SGMS1: variants seen among roughly 807,000 people sequenced by gnomAD.
SGMS1 encodes phosphatidylcholine:ceramide cholinephosphotransferase 1.
In SGMS1, 13 loss-of-function variants were observed where a neutral mutation model predicts 46.2. The observed-to-expected ratio is 0.28, with a 90% confidence interval of 0.18 to 0.45. SGMS1 has a LOEUF of 0.45. SGMS1 is among the 20% of genes least tolerant of loss of function. The probability of loss-of-function intolerance (pLI) is 1.00; values close to 1 mark genes in which losing one functional copy is unlikely to be tolerated. For missense variants in SGMS1, 324 were observed against 519.9 expected (o/e 0.62, Z 3.66); for synonymous variants, 203 against 187.8 (o/e 1.08, Z -0.66).
intron 2 of SGMS1, among the ~76,000 whole-genome samples, chr10:50,575,042 T>C (rs1410151980): frequency 2.1e-5 from 3 of 144,720 alleles, no homozygotes; most frequent in South Asian, 2.2e-4. Flanking sequence ...TGAAACAACA[T>C]AGACGTGGAA....
chr10:50,459,704 G>A (rs1365058706), intron 5 of SGMS1, among the ~76,000 whole-genome samples: 2 of 152,150 alleles, frequency 1.3e-5, no homozygotes, highest in African/African-American at 4.8e-5. Context: ...ACGCCCAGCT[G>A]AATAAGAATA....
chr10:50,510,561 G>A (rs1837744360), intron 3 of SGMS1, among the ~76,000 whole-genome samples: 1 of 150,182 alleles, frequency 6.7e-6, no homozygotes, highest in African/African-American at 2.4e-5. Context: ...TTTTTGTTTT[G>A]TTTGTTTGCT....
At chr10:50,376,779 T>C (rs986336276) in intron 6 of SGMS1, among the ~76,000 whole-genome samples, 3 of 152,246 alleles carry the variant, frequency 2.0e-5, no homozygotes, top group African/African-American at 4.8e-5. Flanking sequence ...TTCTTGTGGC[T>C]GCATAGTATT....
intron 3 of SGMS1, among the ~76,000 whole-genome samples, chr10:50,467,174 C>T (rs1196773028): frequency 6.6e-6 from 1 of 151,976 alleles, no homozygotes; most frequent in African/African-American, 2.4e-5. Context: ...AAAAACTGCA[C>T]ACCAAATGCA....
intron 2 of SGMS1, among the ~76,000 whole-genome samples, chr10:50,522,185 T>C (rs1837862770): frequency 6.6e-6 from 1 of 152,240 alleles, no homozygotes; most frequent in Non-Finnish European, 1.5e-5. Context: ...ACTTATAATT[T>C]ATCCTTGTAC....
At chr10:50,610,216 C>T (rs1006292109) in intron 1 of SGMS1, among the ~76,000 whole-genome samples, 1 of 152,222 alleles carries the variant, frequency 6.6e-6, no homozygotes, top group African/African-American at 2.4e-5. Flanking sequence ...CAGTGTGTGT[C>T]TGCCTCACCC....
intron 1 of SGMS1, among the ~76,000 whole-genome samples, chr10:50,598,726 T>C (rs1838620080): frequency 6.6e-6 from 1 of 152,062 alleles, no homozygotes; most frequent in South Asian, 2.1e-4. Flanking sequence ...ACCAAATGAG[T>C]GACTCCATGA....
At chr10:50,542,499 A>G (rs1040238264) in intron 2 of SGMS1, among the ~76,000 whole-genome samples, 68 of 152,084 alleles carry the variant, frequency 4.5e-4, no homozygotes, top group African/African-American at 1.6e-3. Context: ...GAAAATATGT[A>G]TATTTGCTCT....
chr10:50,585,864 G>C (rs1838478621), intron 2 of SGMS1, among the ~76,000 whole-genome samples: 1 of 152,232 alleles, frequency 6.6e-6, no homozygotes, highest in Non-Finnish European at 1.5e-5. Context: ...ACATGAATGA[G>C]AACATTAACA....
intron 6 of SGMS1, among the ~76,000 whole-genome samples, chr10:50,344,778 A>T (rs1847888979): frequency 6.7e-6 from 1 of 149,270 alleles, no homozygotes; most frequent in Non-Finnish European, 1.5e-5. Flanking sequence ...AGGCTGAGGC[A>T]GGAGAATGGT....
intron 1 of SGMS1, among the ~76,000 whole-genome samples, chr10:50,610,453 C>T (rs1838739240): frequency 6.6e-6 from 1 of 152,136 alleles, no homozygotes; most frequent in Non-Finnish European, 1.5e-5. Context: ...CAATAAGAAC[C>T]TGTGGGCCAC....
intron 7 of SGMS1, among the ~76,000 whole-genome samples, chr10:50,338,931 G>T (rs772813602): frequency 1.1e-4 from 16 of 152,022 alleles, no homozygotes; most frequent in Non-Finnish European, 1.5e-5. Context: ...TAGAGATGGG[G>T]TTTCTCCAAG....
intron 6 of SGMS1, among the ~76,000 whole-genome samples, chr10:50,362,113 G>A (rs190152354): frequency 1.3e-5 from 2 of 152,282 alleles, no homozygotes; most frequent in Admixed American, 1.3e-4. Context: ...AAATGAGAAT[G>A]CAAAGGAGAT....
At chr10:50,400,700 A>C (rs528870651) in intron 6 of SGMS1, among the ~76,000 whole-genome samples, 6 of 152,154 alleles carry the variant, frequency 3.9e-5, no homozygotes, top group South Asian at 4.2e-4. Context: ...GAAAATATGA[A>C]AGCAGCTTTA....
At chr10:50,455,096 A>C (rs748330616) in intron 5 of SGMS1, among the ~76,000 whole-genome samples, 2 of 152,138 alleles carry the variant, frequency 1.3e-5, no homozygotes, top group Non-Finnish European at 2.9e-5. Flanking sequence ...TCTAGTATCT[A>C]GGAAAGTGCC....
At chr10:50,478,124 G>A (rs950807889) in intron 3 of SGMS1, among the ~76,000 whole-genome samples, 11 of 152,198 alleles carry the variant, frequency 7.2e-5, no homozygotes, top group African/African-American at 2.7e-4. Context: ...CTGCATAGAT[G>A]TATGTCATGA....
chr10:50,601,056 CA>C (rs1838645557), intron 1 of SGMS1, among the ~76,000 whole-genome samples: 1 of 152,132 alleles, frequency 6.6e-6, no homozygotes, highest in African/African-American at 2.4e-5. Flanking sequence ...ATCATCCTTG[CA>C]GTTTAGAAAG....
intron 6 of SGMS1, among the ~76,000 whole-genome samples, chr10:50,400,396 CATATATATATATATAT>C (rs10524155): frequency 0.012 from 1,183 of 98,412 alleles, 18 homozygotes; most frequent in Non-Finnish European, 0.016. Flanking sequence ...CACATCCTGG[CATATATATATATATAT>C]ATATATATAT....
intron 8 of SGMS1, among the ~76,000 whole-genome samples, chr10:50,317,185 G>A (rs1193022211): frequency 6.6e-6 from 1 of 152,206 alleles, no homozygotes; most frequent in Non-Finnish European, 1.5e-5. Context: ...AAGGTAATGT[G>A]TTTGAAAGTG....
Sources: gnomAD v4.1 joint callset for allele counts (sites outside exome capture counted in the v4.1 genomes callset) on GRCh38, gnomAD v4.1.1 for gene constraint, MANE v1.5 for transcripts, NCBI Gene and HGNC (gene_info 2026-07-23, HGNC 2026-07-21) for gene names.